Variants in PAM observed in about 807,000 individuals in gnomAD.
PAM encodes the protein peptidylglycine alpha-amidating monooxygenase, also known as peptidyl-glycine alpha-amidating monooxygenase.
A neutral mutation model predicts 122.1 loss-of-function variants in PAM; 72 were observed. The observed-to-expected ratio is 0.59, with a 90% confidence interval of 0.49 to 0.72. PAM has a LOEUF of 0.72. PAM is among the 30% of genes least tolerant of loss of function. PAM has a pLI of 0.00. For missense variants in PAM, 1,106 were observed against 1,183.7 expected (o/e 0.93, Z 0.96); for synonymous variants, 389 against 404.4 (o/e 0.96, Z 0.46).
intron 16 of PAM, among the ~76,000 whole-genome samples, chr5:103,001,034 T>C (rs181315432): frequency 6.6e-6 from 1 of 152,288 alleles, no homozygotes; most frequent in African/African-American, 2.4e-5. Flanking sequence ...AGCCAAACCA[T>C]ATCAAACCTT....
intron 1 of PAM, among the ~76,000 whole-genome samples, chr5:102,798,747 C>T (rs1367968363): frequency 6.6e-6 from 1 of 152,072 alleles, no homozygotes; most frequent in African/African-American, 2.4e-5. Context: ...TATAGGAATA[C>T]ATTTTTTTCT....
At chr5:103,015,020 T>C (rs879288238) in intron 21 of PAM, among the ~76,000 whole-genome samples, 3 of 152,200 alleles carry the variant, frequency 2.0e-5, no homozygotes, top group Non-Finnish European at 4.4e-5. Flanking sequence ...CAGATTTATG[T>C]CATTTTTCCA....
intron 1 of PAM, among the ~76,000 whole-genome samples, chr5:102,820,223 A>G (rs1771360227): frequency 6.7e-6 from 1 of 149,762 alleles, no homozygotes; most frequent in Non-Finnish European, 1.5e-5. Context: ...ATTGTTAGAG[A>G]TGATTTCAAA....
chr5:102,792,118 T>G (rs762728269), intron 1 of PAM, among the ~76,000 whole-genome samples: 7 of 152,150 alleles, frequency 4.6e-5, no homozygotes, highest in Non-Finnish European at 8.8e-5. Flanking sequence ...TAGAGCCATT[T>G]ATTGTTTGGG....
chr5:102,807,215 A>G (rs1401907160), intron 1 of PAM, among the ~76,000 whole-genome samples: 1 of 152,224 alleles, frequency 6.6e-6, no homozygotes, highest in Non-Finnish European at 1.5e-5. Context: ...CTTAGTACAG[A>G]TGATAAATTA....
intron 1 of PAM, among the ~76,000 whole-genome samples, chr5:102,841,050 T>TTC (rs397771621): frequency 6.6e-6 from 1 of 151,358 alleles, no homozygotes; most frequent in Admixed American, 6.6e-5. Context: ...CTTTGTCTCT[T>TTC]GGTATAGGAA....
intron 1 of PAM, among the ~76,000 whole-genome samples, chr5:102,826,085 A>G (rs1478013613): frequency 6.6e-6 from 1 of 152,198 alleles, no homozygotes; most frequent in Non-Finnish European, 1.5e-5. Context: ...TATGAGCTCA[A>G]ATCTTAGTTA....
chr5:103,030,248 T>A (rs1786071059), downstream of PAM: 1 of 152,150 alleles, frequency 6.6e-6, no homozygotes, highest in Admixed American at 6.5e-5. Context: ...CAGAGTGAGA[T>A]CCTTTCTCTA....
chr5:102,889,206 C>T (rs1449575740), intron 3 of PAM, among the ~76,000 whole-genome samples: 1 of 151,918 alleles, frequency 6.6e-6, no homozygotes, highest in African/African-American at 2.4e-5. Context: ...TAATGGGCTC[C>T]CTTGCTCTCT....
At chr5:102,857,381 A>C (rs940392808) in intron 1 of PAM, among the ~76,000 whole-genome samples, 1 of 152,156 alleles carries the variant, frequency 6.6e-6, no homozygotes, top group African/African-American at 2.4e-5. Context: ...TGGGTTTTAT[A>C]TGAAATCTTT....
chr5:102,834,421 CAT>C, intron 1 of PAM, among the ~76,000 whole-genome samples: 1 of 152,280 alleles, frequency 6.6e-6, no homozygotes, highest in African/African-American at 2.4e-5. Flanking sequence ...GTCAACAAAA[CAT>C]ATACAAATCC....
chr5:102,896,851 T>TG (rs774373134), intron 3 of PAM, among the ~76,000 whole-genome samples: 2 of 151,640 alleles, frequency 1.3e-5, no homozygotes, highest in Non-Finnish European at 3.0e-5. Context: ...TATTTAAACT[T>TG]GAGTTTTTTT....
intron 1 of PAM, among the ~76,000 whole-genome samples, chr5:102,847,853 T>C (rs1780333099): frequency 6.6e-6 from 1 of 152,214 alleles, no homozygotes; most frequent in African/African-American, 2.4e-5. Context: ...ATCCTACAAT[T>C]TCTTCCATTG....
intron 23 of PAM, among the ~76,000 whole-genome samples, chr5:103,024,620 A>G (rs886400665): frequency 6.6e-6 from 1 of 152,186 alleles, no homozygotes. Context: ...CACTTATTAT[A>G]TACATTTTTT....
intron 1 of PAM, among the ~76,000 whole-genome samples, chr5:102,833,884 T>C (rs921584986): frequency 3.3e-5 from 5 of 152,168 alleles, no homozygotes; most frequent in African/African-American, 9.7e-5. Context: ...TAAGCTGTTA[T>C]AGTGTAATGG....
At chr5:102,923,023 T>G (rs1030043679) in intron 5 of PAM, among the ~76,000 whole-genome samples, 3 of 152,190 alleles carry the variant, frequency 2.0e-5, no homozygotes, top group African/African-American at 7.2e-5. Context: ...TATTTGACAG[T>G]GAACAGGAAG....
At chr5:103,011,620 C>A (rs897224067) in intron 21 of PAM, among the ~76,000 whole-genome samples, 1 of 152,122 alleles carries the variant, frequency 6.6e-6, no homozygotes, top group African/African-American at 2.4e-5. Flanking sequence ...CTGAATAATA[C>A]TCCATTGTGT....
At chr5:102,806,124 G>A (rs560737787) in intron 1 of PAM, among the ~76,000 whole-genome samples, 2 of 152,216 alleles carry the variant, frequency 1.3e-5, no homozygotes, top group South Asian at 2.1e-4. Context: ...TGGAAAAGTC[G>A]AAACAAGTGC....
chr5:102,959,964 A>C lies in PAM; in HGVS notation c.995A>C (p.Asn332Thr). Reference protein sequence around the residue: ...HAVSFMTCTQNVAPDMFRTIP... With the variant: ...HAVSFMTCTQTVAPDMFRTIP... ...GTTTCTTTCATGACCTGTACCCAGA[A>C]TGTAGCTCCAGATATGTTCAGAACC... is the stretch of plus-strand genomic sequence containing the variant. The change falls in exon 13 of 26, where the codon AAT becomes ACT. Residue 332 changes from asparagine to threonine, a missense_variant. Coordinates refer to ENST00000438793, the MANE Select transcript of PAM (RefSeq NM_001177306.2). The C allele has an allele frequency of 6.2e-7, 1 of 1,611,644 alleles. No individual in the cohort carries two copies. The highest frequency in any genetic ancestry group is 8.5e-7 in the Non-Finnish European group (1 of 1,177,882).
Sources: allele counts gnomAD v4.1 joint callset (sites outside exome capture counted in the v4.1 genomes callset), GRCh38; gene constraint gnomAD v4.1.1; transcripts MANE v1.5; gene names NCBI Gene and HGNC (gene_info 2026-07-23, HGNC 2026-07-21).